Variants in ZBTB20 observed in about 807,000 individuals in gnomAD.
ZBTB20 encodes the protein zinc finger and BTB domain containing 20.
A neutral mutation model predicts 56.9 loss-of-function variants in ZBTB20; 9 were observed. The ratio of observed to expected loss-of-function variants is 0.16; its 90% CI spans 0.10 to 0.28. The LOEUF (loss-of-function observed/expected upper bound fraction) is 0.28. ZBTB20 is among the 10% of genes least tolerant of loss of function. The probability of loss-of-function intolerance (pLI) is 1.00; values close to 1 mark genes in which losing one functional copy is unlikely to be tolerated. For missense variants in ZBTB20, 655 were observed against 1,003.0 expected, an observed-to-expected ratio of 0.65 and a Z score of 4.69; for synonymous variants, 417 against 420.7, an observed-to-expected ratio of 0.99 and a Z score of 0.11.
chr3:115,112,954 C>G (rs1297968138), intron 1 of ZBTB20, among the ~76,000 whole-genome samples: 2 of 152,090 alleles, frequency 1.3e-5, no homozygotes, highest in African/African-American at 2.4e-5. Context: ...TTACCAGCAT[C>G]TGTTATTTTC....
intron 2 of ZBTB20, among the ~76,000 whole-genome samples, chr3:115,026,020 G>C (rs919402729): frequency 1.3e-5 from 2 of 150,936 alleles, no homozygotes; most frequent in African/African-American, 4.8e-5. Flanking sequence ...TTAAAGCTTG[G>C]ATTAATAGAA....
chr3:114,505,477 G>C (rs2044494529), intron 6 of ZBTB20, among the ~76,000 whole-genome samples: 1 of 152,132 alleles, frequency 6.6e-6, no homozygotes, highest in Non-Finnish European at 1.5e-5. Context: ...ACTGAAGTTT[G>C]ACACTTATCC....
At chr3:114,739,943 T>C (rs751190637) in intron 5 of ZBTB20, among the ~76,000 whole-genome samples, 3 of 152,218 alleles carry the variant, frequency 2.0e-5, no homozygotes, top group Non-Finnish European at 2.9e-5. Context: ...GTGTTTATCT[T>C]TCAAAGCTGG....
intron 1 of ZBTB20, among the ~76,000 whole-genome samples, chr3:115,139,632 G>C (rs558604635): frequency 6.6e-6 from 1 of 152,010 alleles, no homozygotes; most frequent in South Asian, 2.1e-4. Flanking sequence ...CCTATGTTTT[G>C]CTTAGAGAAG....
At chr3:114,713,761 C>T (rs1473656886) in intron 5 of ZBTB20, among the ~76,000 whole-genome samples, 1 of 152,016 alleles carries the variant, frequency 6.6e-6, no homozygotes, top group Non-Finnish European at 1.5e-5. Flanking sequence ...TCTTTTATGT[C>T]TTTTAAATTT....
Position 114,571,127 on chromosome 3 carries a change from A to T in ZBTB20, c.-294-70736T>A, listed in dbSNP as rs561483590. Among the ~76,000 whole-genome samples the T allele has an allele frequency of 5.3e-5, 8 of 152,258 alleles. No homozygotes were observed. The South Asian group carries it at 1.7e-3, about 32-fold the overall frequency. ...TCAAAATGATGTCAAAATCAAATCT[A>T]CCCCTCACTAATTTGATTTGTAGGA... On this transcript the variant is annotated intron_variant, in intron 6 of 11. Coordinates refer to ENST00000675478, the MANE Select transcript of ZBTB20 (RefSeq NM_001348800.3).
chr3:115,008,214 T>C (rs1354407555), intron 2 of ZBTB20, among the ~76,000 whole-genome samples: 3 of 151,886 alleles, frequency 2.0e-5, no homozygotes, highest in African/African-American at 7.2e-5. Flanking sequence ...ACTTATGACA[T>C]ATCAAACTGC....
chr3:114,955,449 G>A (rs1265536300), intron 3 of ZBTB20, among the ~76,000 whole-genome samples: 1 of 152,156 alleles, frequency 6.6e-6, no homozygotes, highest in African/African-American at 2.4e-5. Context: ...TAGCTGCACT[G>A]TTGTGCAGGT....
At chr3:114,441,052 T>A (rs931968545) in intron 7 of ZBTB20, among the ~76,000 whole-genome samples, 1 of 152,232 alleles carries the variant, frequency 6.6e-6, no homozygotes, top group African/African-American at 2.4e-5. Context: ...TTATTTTAAC[T>A]CTTTATTATC....
At chr3:114,822,833 G>T (rs2073327606) in intron 4 of ZBTB20, among the ~76,000 whole-genome samples, 1 of 151,996 alleles carries the variant, frequency 6.6e-6, no homozygotes, top group African/African-American at 2.4e-5. Context: ...TCTACAAGTA[G>T]AATCAGATCC....
chr3:114,699,771 T>A (rs906141739), intron 5 of ZBTB20, among the ~76,000 whole-genome samples: 1 of 152,118 alleles, frequency 6.6e-6, no homozygotes, highest in Non-Finnish European at 1.5e-5. Flanking sequence ...AACAAGATCA[T>A]TCATTTCATG....
At chr3:114,952,849 G>A (rs2107922144) in intron 3 of ZBTB20, among the ~76,000 whole-genome samples, 1 of 152,066 alleles carries the variant, frequency 6.6e-6, no homozygotes, top group South Asian at 2.1e-4. Context: ...TTGCTGAAAG[G>A]AAGCTCTCCA....
At chr3:114,558,044 C>A (rs1046829478) in intron 6 of ZBTB20, among the ~76,000 whole-genome samples, 4 of 152,006 alleles carry the variant, frequency 2.6e-5, no homozygotes, top group African/African-American at 9.7e-5. Context: ...CACCTATAAA[C>A]ACAACAGAAT....
At chr3:114,816,972 T>A (rs2072959487) in intron 4 of ZBTB20, among the ~76,000 whole-genome samples, 1 of 151,998 alleles carries the variant, frequency 6.6e-6, no homozygotes, top group Admixed American at 6.6e-5. Context: ...ATAAAAAAAA[T>A]TGCAGAAGTA....
chr3:114,451,953 T>A (rs978599766), intron 7 of ZBTB20, among the ~76,000 whole-genome samples: 8 of 152,050 alleles, frequency 5.3e-5, no homozygotes, highest in Admixed American at 1.3e-4. Flanking sequence ...TGATAGGAGC[T>A]GCCTGAGTTG....
intron 1 of ZBTB20, among the ~76,000 whole-genome samples, chr3:115,099,996 A>G (rs1198454321): frequency 6.6e-6 from 1 of 152,104 alleles, no homozygotes; most frequent in African/African-American, 2.4e-5. Context: ...GAAAATTAGT[A>G]AAGGGTAGGC....
chr3:114,513,969 T>C (rs559391299), intron 6 of ZBTB20, among the ~76,000 whole-genome samples: 49 of 151,330 alleles, frequency 3.2e-4, no homozygotes, highest in African/African-American at 1.1e-3. Context: ...TGCATAAATA[T>C]GTATGTATGT....
intron 2 of ZBTB20, among the ~76,000 whole-genome samples, chr3:115,036,567 A>G (rs957094675): frequency 2.0e-5 from 3 of 152,152 alleles, no homozygotes; most frequent in African/African-American, 2.4e-5. Context: ...GGTGCGTGCC[A>G]TCACGCCCAG....
At chr3:114,626,314 C>G (rs756547309) in intron 6 of ZBTB20, among the ~76,000 whole-genome samples, 22 of 152,166 alleles carry the variant, frequency 1.4e-4, no homozygotes, top group Non-Finnish European at 3.1e-4. Flanking sequence ...CAGTTTCTCT[C>G]TCTTTGAAAT....
Sources: gnomAD v4.1 joint callset for allele counts (sites outside exome capture counted in the v4.1 genomes callset) on GRCh38, gnomAD v4.1.1 for gene constraint, MANE v1.5 for transcripts, NCBI Gene and HGNC (gene_info 2026-07-23, HGNC 2026-07-21) for gene names.